The following DCAF6 variants were observed in gnomAD, a reference collection of about 807,000 sequenced individuals.
The protein encoded by DCAF6 is DDB1 and CUL4 associated factor 6, also known as DDB1- and CUL4-associated factor 6.
In DCAF6, 54 loss-of-function variants were observed where a neutral mutation model predicts 125.1. The ratio of observed to expected loss-of-function variants is 0.43; its 90% CI spans 0.35 to 0.54. The LOEUF (loss-of-function observed/expected upper bound fraction) is 0.54. Ranked by LOEUF, DCAF6 falls within the 20% of genes least tolerant of loss-of-function variation. DCAF6 has a pLI of 0.01. For missense variants in DCAF6, 934 were observed against 1,161.7 expected, an observed-to-expected ratio of 0.80 and a Z score of 2.85; for synonymous variants, 371 against 390.4, an observed-to-expected ratio of 0.95 and a Z score of 0.58.
intron 21 of DCAF6, among the ~76,000 whole-genome samples, chr1:168,070,847 C>T (rs552169062): frequency 6.6e-6 from 1 of 152,288 alleles, no homozygotes; most frequent in South Asian, 2.1e-4. Flanking sequence ...GCTTAAAATT[C>T]TCCTTTGCCC....
intron 1 of DCAF6, among the ~76,000 whole-genome samples, chr1:167,940,731 A>G (rs571134011): frequency 6.6e-6 from 1 of 152,042 alleles, no homozygotes; most frequent in Admixed American, 6.6e-5. Flanking sequence ...GCTTGTTTCT[A>G]CTCATATTTC....
chr1:167,951,999 A>G, intron 2 of DCAF6, 138 bp downstream of exon 2: 1 of 535,798 alleles, frequency 1.9e-6, no homozygotes. Flanking sequence ...AAAATATAAA[A>G]TTATATTTTG....
the DCAF6 span, among the ~76,000 whole-genome samples, chr1:167,870,752 C>T: frequency 0.57 from 86,398 of 150,362 alleles, 25,311 homozygotes; most frequent in East Asian, 0.74. Context: ...GAGGTTGCAG[C>T]GAGCCGGGAT....
Position 168,003,900 on chromosome 1 carries a change from A to G in DCAF6, c.1028A>G (p.Gln343Arg), listed in dbSNP as rs772986253. Reference sequence around the variant, plus strand: ...CAGAGTCCCAATGTGTCATTGATGCAGAGAATGTCTGATATGTTATCAAGA... The same window carrying G: ...CAGAGTCCCAATGTGTCATTGATGCGGAGAATGTCTGATATGTTATCAAGA... ...GEQSPNVSLM[Q>R]RMSDMLSRWF... is the part of the protein sequence containing the mutation. The change falls in exon 9 of 22, where the codon CAG (glutamine) becomes CGG (arginine). Residue 343 changes from glutamine to arginine, a missense_variant. Physicochemically the swap from Gln to Arg is conservative, Grantham distance 43. Transcript: ENST00000367840. 2 of 1,611,346 alleles carry G rather than the reference A, an allele frequency of 1.2e-6. No individual in the cohort carries two copies. The highest frequency in any genetic ancestry group is 2.2e-5 in the East Asian group (1 of 44,824).
chr1:167,945,200 T>C (rs1672876814), intron 1 of DCAF6, among the ~76,000 whole-genome samples: 1 of 152,214 alleles, frequency 6.6e-6, no homozygotes, highest in South Asian at 2.1e-4. Context: ...GCTTTGGCTA[T>C]TGGGGCTTCT....
At position 167,951,845 on chromosome 1, in the gene DCAF6, A is replaced by T; in HGVS notation, c.143A>T (p.Asn48Ile). The change falls in exon 2 of 22, where the codon AAT (asparagine) becomes ATT (isoleucine). Residue 48 changes from asparagine to isoleucine, a missense_variant. By Grantham distance (149) the Asn-to-Ile change is moderately radical. This residue lies in a region of DCAF6 where 309 missense variants were observed against 381.2 expected (regional missense o/e 0.81). Transcript: ENST00000367840. ...IQRLKLEATLNVHDGCVNTIC... is the reference protein window; with the variant it reads ...IQRLKLEATLIVHDGCVNTIC... ...AGATTAAAACTTGAAGCAACCCTTA[A>T]TGTGCATGATGGTTGTGTAAGTAAT... 1.9e-6 allele frequency: 3 copies of T among 1,606,484 alleles called. No homozygotes were observed. The East Asian group carries it at 6.7e-5, about 36-fold the overall frequency.
the DCAF6 span, among the ~76,000 whole-genome samples, chr1:167,904,366 G>A: frequency 6.6e-6 from 1 of 152,232 alleles, no homozygotes; most frequent in East Asian, 1.9e-4. Flanking sequence ...GATTGCAGGC[G>A]TGAGCCACCG....
intron 1 of DCAF6, among the ~76,000 whole-genome samples, chr1:167,948,215 A>G (rs941708505): frequency 1.3e-5 from 2 of 150,560 alleles, no homozygotes; most frequent in Non-Finnish European, 2.9e-5. Flanking sequence ...GACTTCAGAC[A>G]GTCTGATTAT....
chr1:168,020,311 A>G (rs1685519568), intron 11 of DCAF6, among the ~76,000 whole-genome samples: 1 of 152,310 alleles, frequency 6.6e-6, no homozygotes, highest in South Asian at 2.1e-4. Context: ...GAAAAACCAC[A>G]TTTGAACCCA....
intron 13 of DCAF6, among the ~76,000 whole-genome samples, chr1:168,040,603 T>C (rs952367754): frequency 6.6e-6 from 1 of 151,996 alleles, no homozygotes; most frequent in Non-Finnish European, 1.5e-5. Flanking sequence ...CCCTTTTTCT[T>C]AATACATAAT....
the DCAF6 span, among the ~76,000 whole-genome samples, chr1:167,918,890 G>A: frequency 6.6e-6 from 1 of 151,952 alleles, no homozygotes; most frequent in African/African-American, 2.4e-5. Context: ...ACCATGCCCG[G>A]CCTGCCAAAA....
intron 3 of DCAF6, among the ~76,000 whole-genome samples, chr1:167,967,971 T>G (rs112570281): frequency 6.6e-5 from 10 of 152,256 alleles, no homozygotes; most frequent in African/African-American, 2.4e-4. Context: ...CCTCAAGTGA[T>G]CTGCCCACCT....
the DCAF6 span, chr1:167,899,608 T>C: frequency 6.2e-7 from 1 of 1,614,044 alleles, no homozygotes. Flanking sequence ...ACCAACATGC[T>C]GATGTGGCCA....
upstream of DCAF6, among the ~76,000 whole-genome samples, chr1:167,934,866 C>T (rs1557858158): frequency 6.6e-6 from 1 of 152,042 alleles, no homozygotes; most frequent in Non-Finnish European, 1.5e-5. Context: ...TTACAACTCA[C>T]TTTATAGAAG....
chr1:168,022,865 C>G (rs1039667164), intron 11 of DCAF6, 123 bp from the exon 12 acceptor site: 5 of 841,438 alleles, frequency 5.9e-6, no homozygotes, highest in Non-Finnish European at 9.9e-6. Context: ...GGGAATCACA[C>G]CACAGTACTT....
chr1:167,905,803 G>A, the DCAF6 span, among the ~76,000 whole-genome samples: 1 of 152,038 alleles, frequency 6.6e-6, no homozygotes, highest in African/African-American at 2.4e-5. Context: ...TAAATGGAAG[G>A]AAATGCTGAA....
At chr1:168,058,235 A>G (rs1691140955) in intron 17 of DCAF6, among the ~76,000 whole-genome samples, 1 of 152,170 alleles carries the variant, frequency 6.6e-6, no homozygotes, top group Non-Finnish European at 1.5e-5. Context: ...ATGGACATTT[A>G]GGTTATTTCT....
chr1:167,870,456 A>G, the DCAF6 span: 8 of 1,508,462 alleles, frequency 5.3e-6, no homozygotes, highest in Admixed American at 1.4e-4. Flanking sequence ...TCAACGTAAA[A>G]TAGTCTAGAG....
At chr1:167,943,627 C>T (rs951017965) in intron 1 of DCAF6, among the ~76,000 whole-genome samples, 2 of 152,266 alleles carry the variant, frequency 1.3e-5, no homozygotes, top group African/African-American at 4.8e-5. Flanking sequence ...ACCTGAATAA[C>T]GTTCTTTGTC....
Sources: allele counts gnomAD v4.1 joint callset (sites outside exome capture counted in the v4.1 genomes callset), GRCh38; gene constraint gnomAD v4.1.1; regional missense constraint gnomAD v4.1.1; transcripts MANE v1.5; gene names NCBI Gene and HGNC (gene_info 2026-07-23, HGNC 2026-07-21).